The following CAPN14 variants were observed in gnomAD, a reference collection of about 807,000 sequenced individuals.
CAPN14 encodes calpain-14.
CAPN14 carries 94 observed loss-of-function variants against 101.3 expected under a neutral mutation model. That is an observed-to-expected ratio of 0.93 (90% CI 0.79 to 1.10). The LOEUF (loss-of-function observed/expected upper bound fraction) is 1.10, where lower values mean the gene tolerates loss of function less well. Among genes scored for constraint, CAPN14 ranks in the 50% least tolerant of loss-of-function variants. CAPN14 has a pLI of 0.00. For synonymous variants in CAPN14, 338 were observed against 317.9 expected (o/e 1.06, Z -0.67); for missense variants, 837 against 828.4 (o/e 1.01, Z -0.13).
intron 17 of CAPN14, among the ~76,000 whole-genome samples, chr2:31,179,316 C>T (rs1200776365): frequency 6.6e-6 from 1 of 151,930 alleles, no homozygotes; most frequent in Non-Finnish European, 1.5e-5. Flanking sequence ...TGAGAACATG[C>T]AGTGTTTGGT....
intron 21 of CAPN14, among the ~76,000 whole-genome samples, chr2:31,176,283 C>G (rs1372222364): frequency 6.6e-6 from 1 of 152,204 alleles, no homozygotes; most frequent in African/African-American, 2.4e-5. Flanking sequence ...CCATGTGACT[C>G]GGAAGCTAAA....
chr2:31,207,273 C>T (rs1193254277), intron 1 of CAPN14, among the ~76,000 whole-genome samples: 1 of 152,172 alleles, frequency 6.6e-6, no homozygotes, highest in Non-Finnish European at 1.5e-5. Flanking sequence ...TCCTTGAGTG[C>T]CTGGCATTCG....
chr2:31,209,811 T>G (rs143030859), intron 1 of CAPN14, among the ~76,000 whole-genome samples: 1 of 152,206 alleles, frequency 6.6e-6, no homozygotes, highest in African/African-American at 2.4e-5. Flanking sequence ...TACCTTGTAA[T>G]TGGCCATCAT....
chr2:31,182,539 T>C (rs200059236), intron 16 of CAPN14, among the ~76,000 whole-genome samples: 8,296 of 95,254 alleles, frequency 0.087, 429 homozygotes, highest in African/African-American at 0.18. Flanking sequence ...TATACACCAA[T>C]AACAGACAAA....
At chr2:31,214,004 C>A (rs1369695024) in intron 1 of CAPN14, among the ~76,000 whole-genome samples, 2 of 152,190 alleles carry the variant, frequency 1.3e-5, no homozygotes, top group African/African-American at 4.8e-5. Flanking sequence ...AAGCATGATT[C>A]TTCATTTATT....
At chr2:31,225,715 T>G (rs1683002021) in intron 2 of CAPN14, among the ~76,000 whole-genome samples, 1 of 152,106 alleles carries the variant, frequency 6.6e-6, no homozygotes, top group Non-Finnish European at 1.5e-5. Flanking sequence ...TCAATTTAAT[T>G]ATTGGAATAT....
chr2:31,193,369 G>A, intron 9 of CAPN14, 75 bp from the exon 10 acceptor site: 6 of 1,439,210 alleles, frequency 4.2e-6, no homozygotes, highest in Non-Finnish European at 5.6e-6. Context: ...TGGGGAGGGT[G>A]AAACGGAGCA....
chr2:31,193,263 C>A lies in CAPN14; in HGVS notation c.982G>T (p.Val328Leu), dbSNP rs368990069. ...MTLQDFKTHF[V>L]LLVICKLTPG... ...GTCAGTTTACAGATAACCAGGAGCACGAAATGTGTTTTAAAGTCCTGCAGC... is the reference window on the plus strand; with the variant it reads ...GTCAGTTTACAGATAACCAGGAGCAAGAAATGTGTTTTAAAGTCCTGCAGC... The change falls in exon 10 of 22, where the codon GTG becomes TTG. Residue 328 changes from valine to leucine, a missense_variant. By Grantham distance (32) the Val-to-Leu change is conservative. Transcript: ENST00000403897. 1 of 1,551,736 alleles carries A rather than the reference C, an allele frequency of 6.4e-7. No individual in the cohort carries two copies. The highest frequency in any genetic ancestry group is 1.2e-5 in the South Asian group (1 of 84,054).
intron 1 of CAPN14, among the ~76,000 whole-genome samples, chr2:31,229,679 C>CAA (rs3031884): frequency 5.0e-5 from 5 of 99,044 alleles, no homozygotes; most frequent in African/African-American, 7.7e-5. Flanking sequence ...ACCCTATGTC[C>CAA]AAAAAAAAAA....
chr2:31,190,365 C>T (rs918462188), intron 12 of CAPN14, among the ~76,000 whole-genome samples: 2 of 152,124 alleles, frequency 1.3e-5, no homozygotes, highest in African/African-American at 4.8e-5. Flanking sequence ...AAATAAAATA[C>T]ATATCCTGAT....
chr2:31,224,653 A>G (rs1402136623), intron 2 of CAPN14, among the ~76,000 whole-genome samples: 1 of 152,062 alleles, frequency 6.6e-6, no homozygotes, highest in East Asian at 1.9e-4. Flanking sequence ...GTAGAAAAAC[A>G]AAGAATAAAC....
At position 31,191,917 on chromosome 2, in the gene CAPN14, G is replaced by T. The variant is rs955482548; in HGVS notation, c.1278+18C>A. 23 of 1,534,064 alleles carry T rather than the reference G, an allele frequency of 1.5e-5. No homozygotes were observed. The African/African-American group carries it at 2.9e-4, about 19-fold the overall frequency. On this transcript the variant is annotated intron_variant, in intron 11 of 21. Transcript: ENST00000403897. ...CCACGCTTGGTCCCATGCCCCTGTG[G>T]TTCAGAGGTCCACCTACCCTATACA...
upstream of CAPN14, among the ~76,000 whole-genome samples, chr2:31,220,110 C>T (rs1682818312): frequency 6.6e-6 from 1 of 152,120 alleles, no homozygotes; most frequent in African/African-American, 2.4e-5. Flanking sequence ...CTTAACCTCA[C>T]CATAATATTT....
In CAPN14 at chr2:31,205,395, G is replaced by C. The variant is rs1324355631; in HGVS notation, c.53C>G (p.Ser18Cys). ...RCRWKLAPRY[S>C]RRASPQQPQQ... The stretch of plus-strand genomic sequence containing the variant: ...GGGTTGCTGTGGAGACGCCCTCCTA[G>C]AGTACCTTGGCGCCAGCTTCCATCT... The change falls in exon 2 of 22, where the codon TCT (serine) becomes TGT (cysteine). Residue 18 changes from serine to cysteine, a missense_variant. Physicochemically the swap from Ser to Cys is moderately radical, Grantham distance 112. Coordinates refer to ENST00000403897, the MANE Select transcript of CAPN14 (RefSeq NM_001145122.2). 11 of 1,551,576 alleles carry C rather than the reference G, an allele frequency of 7.1e-6. No individual in the cohort carries two copies. In the Middle Eastern group the frequency reaches 5.0e-4, roughly 71 times the overall value.
At chr2:31,201,132 TGTGTGGAC>T (rs2148689730) in intron 5 of CAPN14, among the ~76,000 whole-genome samples, 1 of 151,202 alleles carries the variant, frequency 6.6e-6, no homozygotes, top group South Asian at 2.1e-4. Context: ...CATGTGTGTA[TGTGTGGAC>T]GTGTGTGTGT....
intron 1 of CAPN14, among the ~76,000 whole-genome samples, chr2:31,206,023 T>TTTA (rs1682061644): frequency 7.6e-6 from 1 of 131,774 alleles, no homozygotes; most frequent in Non-Finnish European, 1.7e-5. Flanking sequence ...TTATCTTTAT[T>TTTA]TTTTTTATTT....
intron 13 of CAPN14, among the ~76,000 whole-genome samples, chr2:31,188,681 CA>C (rs910086002): frequency 1.3e-5 from 2 of 152,116 alleles, no homozygotes; most frequent in African/African-American, 4.8e-5. Context: ...ACAAACAAAA[CA>C]AAACAAAAAG....
intron 13 of CAPN14, among the ~76,000 whole-genome samples, chr2:31,188,976 T>A (rs1454276211): frequency 6.6e-6 from 1 of 152,218 alleles, no homozygotes; most frequent in African/African-American, 2.4e-5. Context: ...GGAAGATCAA[T>A]AACTGCTCAT....
intron 16 of CAPN14, among the ~76,000 whole-genome samples, chr2:31,184,266 T>G (rs1397704257): frequency 6.6e-6 from 1 of 152,080 alleles, no homozygotes; most frequent in Non-Finnish European, 1.5e-5. Context: ...CAGGAGAAAC[T>G]TCTTTCATTA....
Sources: gnomAD v4.1 joint callset for allele counts (sites outside exome capture counted in the v4.1 genomes callset) on GRCh38, gnomAD v4.1.1 for gene constraint, MANE v1.5 for transcripts, NCBI Gene and HGNC (gene_info 2026-07-23, HGNC 2026-07-21) for gene names.